The following CYREN variants were observed in gnomAD, a reference collection of about 807,000 sequenced individuals.
CYREN encodes cell cycle regulator of NHEJ, also known as cell cycle regulator of non-homologous end joining.
In CYREN, 7 loss-of-function variants were observed where a neutral mutation model predicts 9.7. The observed-to-expected ratio is 0.72, with a 90% CI of 0.41 to 1.36. CYREN has a LOEUF of 1.36. Among genes scored for constraint, CYREN ranks in the 40% most tolerant of loss-of-function variants. The pLI is 0.01. For synonymous variants in CYREN, 76 were observed against 77.9 expected (o/e 0.98, Z 0.13); for missense variants, 215 against 198.1 (o/e 1.09, Z -0.51).
intron 2 of CYREN, among the ~76,000 whole-genome samples, chr7:135,138,165 C>CT (rs757396995): frequency 2.0e-5 from 3 of 151,412 alleles, no homozygotes; most frequent in Non-Finnish European, 2.9e-5. Context: ...TAGAGCTGCT[C>CT]TTTTTTTTAA....
At chr7:135,098,184 G>A (rs1226107934) in intron 2 of CYREN, among the ~76,000 whole-genome samples, 1 of 152,110 alleles carries the variant, frequency 6.6e-6, no homozygotes, top group Non-Finnish European at 1.5e-5. Context: ...AATACCTGCC[G>A]TTGCTAATAA....
chr7:135,108,503 T>C (rs1171402495), intron 2 of CYREN, among the ~76,000 whole-genome samples: 1 of 152,144 alleles, frequency 6.6e-6, no homozygotes, highest in Non-Finnish European at 1.5e-5. Context: ...GGGTTCAAAA[T>C]TTTTTTCTTT....
intron 2 of CYREN, among the ~76,000 whole-genome samples, chr7:135,139,296 T>C (rs2117391683): frequency 6.6e-6 from 1 of 152,228 alleles, no homozygotes; most frequent in African/African-American, 2.4e-5. Flanking sequence ...TGTGAGATGG[T>C]ATCTCATTGT....
At chr7:135,123,327 T>A (rs1475239437) in intron 2 of CYREN, among the ~76,000 whole-genome samples, 1 of 151,972 alleles carries the variant, frequency 6.6e-6, no homozygotes, top group Non-Finnish European at 1.5e-5. Context: ...AAATAAGGCA[T>A]GCAGACAAGA....
intron 2 of CYREN, among the ~76,000 whole-genome samples, chr7:135,148,651 G>C (rs1047446788): frequency 2.0e-5 from 3 of 152,194 alleles, no homozygotes; most frequent in African/African-American, 7.2e-5. Flanking sequence ...GTAAACAAAA[G>C]CAGGTCACCG....
intron 2 of CYREN, among the ~76,000 whole-genome samples, chr7:135,137,704 AC>A (rs1255273373): frequency 6.6e-6 from 1 of 152,080 alleles, no homozygotes; most frequent in Admixed American, 6.6e-5. Context: ...GGTTTAAAGA[AC>A]CACTGTCTCA....
At chr7:135,157,682 AG>A (rs1252455891) in intron 2 of CYREN, among the ~76,000 whole-genome samples, 2 of 152,206 alleles carry the variant, frequency 1.3e-5, no homozygotes, top group Non-Finnish European at 2.9e-5. Context: ...GGATCCAAGC[AG>A]TCCATGTTGG....
chr7:135,127,325 G>C (rs945854363), intron 2 of CYREN, among the ~76,000 whole-genome samples: 1 of 151,654 alleles, frequency 6.6e-6, no homozygotes, highest in South Asian at 2.1e-4. Context: ...GGGAGGCCAG[G>C]GTGGGTGGAT....
At chr7:135,165,008 G>A (rs551320074), downstream of CYREN, 121 of 1,564,564 alleles carry the variant, frequency 7.7e-5, 1 homozygote, top group South Asian at 9.5e-4. Context: ...AAAGGCTTAC[G>A]TGATTGCAAG....
At chr7:135,165,622 G>C (rs1397475003), downstream of CYREN, 4 of 167,422 alleles carry the variant, frequency 2.4e-5, no homozygotes, top group African/African-American at 9.6e-5. Context: ...TGGACCTGAA[G>C]CCAGACAGGG....
At chr7:135,138,445 A>G (rs1829394003) in intron 2 of CYREN, among the ~76,000 whole-genome samples, 2 of 152,036 alleles carry the variant, frequency 1.3e-5, no homozygotes, top group Non-Finnish European at 2.9e-5. Flanking sequence ...TACTTGTACT[A>G]CCAAAGAAGC....
At chr7:135,106,841 C>T (rs959517457) in intron 2 of CYREN, among the ~76,000 whole-genome samples, 5 of 152,024 alleles carry the variant, frequency 3.3e-5, no homozygotes, top group African/African-American at 4.8e-5. Context: ...TCTGTTTTGT[C>T]CTGGGATTTT....
At position 135,167,799 on chromosome 7, in the gene CYREN, G is replaced by C; in HGVS notation, c.146C>G (p.Ala49Gly). 6.2e-7 allele frequency: 1 copy of C among 1,614,128 alleles called. No individual in the cohort carries two copies. The highest frequency in any genetic ancestry group is 1.1e-5 in the South Asian group (1 of 91,080). The change falls in exon 3 of 4, where the codon GCG becomes GGG. Residue 49 changes from alanine (A) to glycine (G), a missense_variant. Ala to Gly is a moderately conservative substitution (Grantham distance 60). Coordinates refer to ENST00000393114, the MANE Select transcript of CYREN (RefSeq NM_024033.4). ...ATTCATGCAGTACACAGTCCTTGTC[G>C]CAGGGAGTCTGAAAAAAAGACATGC... Reference protein sequence around the residue: ...AVPVAAARLPATRTVYCMNEA... With the variant: ...AVPVAAARLPGTRTVYCMNEA...
In CYREN at chr7:135,168,938, CAAAG is replaced by C. The variant is rs745642229; in HGVS notation, c.-20_-17del. ...AGGTTTCCATCTCTGTACCTTCTCACAAAGAAGAGTCAGGGCCCAAGCTTAATGA... is the reference window on the plus strand; with the variant it reads ...AGGTTTCCATCTCTGTACCTTCTCACAAGAGTCAGGGCCCAAGCTTAATGA... On this transcript the variant is annotated 5_prime_UTR_variant, in exon 2 of 4. Coordinates refer to ENST00000393114, the MANE Select transcript of CYREN (RefSeq NM_024033.4). 1.9e-6 allele frequency: 3 copies of C among 1,565,718 alleles called. No individual in the cohort carries two copies. Among genetic ancestry groups the C allele is most frequent in the Non-Finnish European group, 2.6e-6 (3 of 1,156,482 alleles).
At chr7:135,139,016 C>A (rs894397568) in intron 2 of CYREN, among the ~76,000 whole-genome samples, 1 of 152,052 alleles carries the variant, frequency 6.6e-6, no homozygotes, top group Non-Finnish European at 1.5e-5. Flanking sequence ...TAGGTTAATT[C>A]TATGTCTTTG....
At chr7:135,118,608 T>C (rs1320708256) in intron 2 of CYREN, among the ~76,000 whole-genome samples, 1 of 152,234 alleles carries the variant, frequency 6.6e-6, no homozygotes, top group Non-Finnish European at 1.5e-5. Context: ...AAAGTGTCTA[T>C]GTTTTAATCA....
intron 2 of CYREN, chr7:135,134,821 G>A (rs777865214): frequency 3.3e-5 from 51 of 1,543,512 alleles, no homozygotes; most frequent in South Asian, 4.8e-5. Flanking sequence ...AAAAATTCAC[G>A]TATTTCATTT....
intron 2 of CYREN, among the ~76,000 whole-genome samples, chr7:135,095,048 T>C (rs1200269907): frequency 6.6e-6 from 1 of 152,176 alleles, no homozygotes; most frequent in African/African-American, 2.4e-5. Context: ...TAGCCCAAGA[T>C]AGAGTCACTC....
At chr7:135,105,392 C>T (rs1251304899) in intron 2 of CYREN, among the ~76,000 whole-genome samples, 2 of 152,160 alleles carry the variant, frequency 1.3e-5, no homozygotes, top group Non-Finnish European at 2.9e-5. Context: ...TTTAATCCAT[C>T]TTGAGTTGAT....
Sources: allele counts gnomAD v4.1 joint callset (sites outside exome capture counted in the v4.1 genomes callset), GRCh38; gene constraint gnomAD v4.1.1; transcripts MANE v1.5; gene names NCBI Gene and HGNC (gene_info 2026-07-23, HGNC 2026-07-21).